SPMAP2: variants seen among roughly 807,000 people sequenced by gnomAD.
SPMAP2 encodes sperm microtubule associated protein 2.
chr19:370,815 G>T, the SPMAP2 span, among the ~76,000 whole-genome samples: 1 of 151,946 alleles, frequency 6.6e-6, no homozygotes, highest in African/African-American at 2.4e-5. Context: ...GCAGAAGCCG[G>T]GTCAAGCCCG....
the SPMAP2 span, chr19:374,187 G>A: frequency 6.5e-7 from 1 of 1,533,784 alleles, no homozygotes; most frequent in Non-Finnish European, 8.9e-7. Context: ...TGCTGGATGT[G>A]GTGGCAGCTG....
the SPMAP2 span, chr19:374,482 C>G: frequency 1.2e-6 from 2 of 1,607,884 alleles, no homozygotes; most frequent in African/African-American, 1.3e-5. Flanking sequence ...GTTTGGGAGC[C>G]CAGAGAAGCG....
the SPMAP2 span, among the ~76,000 whole-genome samples, chr19:373,690 C>A: frequency 6.6e-6 from 1 of 151,442 alleles, no homozygotes; most frequent in Non-Finnish European, 1.5e-5. Flanking sequence ...CGGCGGGACG[C>A]GTGGATTATT....
the SPMAP2 span, among the ~76,000 whole-genome samples, chr19:365,880 T>G: frequency 4.6e-5 from 7 of 152,156 alleles, no homozygotes; most frequent in African/African-American, 1.7e-4. Flanking sequence ...AGCGGTGTCA[T>G]GCCTGTAATC....
the SPMAP2 span, chr19:367,131 C>A: frequency 1.2e-6 from 2 of 1,613,420 alleles, no homozygotes; most frequent in Admixed American, 1.7e-5. Context: ...GGGTCCCACT[C>A]TTCCAAGAGG....
At chr19:371,274 C>T in the SPMAP2 span, 24 of 1,519,672 alleles carry the variant, frequency 1.6e-5, no homozygotes, top group Middle Eastern at 3.5e-4. Context: ...GGCGACTCGA[C>T]GCTCTGTATT....
the SPMAP2 span, among the ~76,000 whole-genome samples, chr19:375,174 C>T: frequency 6.6e-6 from 1 of 152,212 alleles, no homozygotes; most frequent in Non-Finnish European, 1.5e-5. Flanking sequence ...TGCCCAAAAT[C>T]AGCGCCCCCA....
chr19:373,035 G>A, the SPMAP2 span, among the ~76,000 whole-genome samples: 10 of 152,304 alleles, frequency 6.6e-5, no homozygotes, highest in Non-Finnish European at 1.0e-4. Flanking sequence ...TTGTTCTGAA[G>A]TTAGTACAAG....
chr19:372,246 G>A, the SPMAP2 span, among the ~76,000 whole-genome samples: 1 of 152,268 alleles, frequency 6.6e-6, no homozygotes, highest in Non-Finnish European at 1.5e-5. Flanking sequence ...GGGGCTGTAA[G>A]TGGTAAGAAA....
chr19:363,305 G>A, the SPMAP2 span, among the ~76,000 whole-genome samples: 1 of 151,906 alleles, frequency 6.6e-6, no homozygotes, highest in Non-Finnish European at 1.5e-5. Context: ...CAATTCTCCT[G>A]CCTCAGCCTC....
At chr19:373,581 T>C in the SPMAP2 span, 15 of 1,581,930 alleles carry the variant, frequency 9.5e-6, no homozygotes, top group African/African-American at 2.7e-5. Context: ...GCCCTGGCCC[T>C]GCCCGGAAAC....
chr19:367,427 G>T, the SPMAP2 span, among the ~76,000 whole-genome samples: 1 of 152,222 alleles, frequency 6.6e-6, no homozygotes, highest in Non-Finnish European at 1.5e-5. Flanking sequence ...ACCCCAAAAG[G>T]GCTGAGCAAA....
chr19:375,304 T>C, the SPMAP2 span, among the ~76,000 whole-genome samples: 3 of 151,506 alleles, frequency 2.0e-5, no homozygotes, highest in Non-Finnish European at 2.9e-5. Context: ...GCTTTTTTTT[T>C]CCCATTTCTT....
chr19:365,783 C>A, the SPMAP2 span, among the ~76,000 whole-genome samples: 1 of 151,916 alleles, frequency 6.6e-6, no homozygotes. Flanking sequence ...GCACAAACAG[C>A]CACACTCTCG....
the SPMAP2 span, among the ~76,000 whole-genome samples, chr19:366,244 C>T: frequency 9.2e-5 from 14 of 152,192 alleles, no homozygotes; most frequent in Admixed American, 6.5e-4. Flanking sequence ...TGTGCACACA[C>T]GGATATATAT....
the SPMAP2 span, among the ~76,000 whole-genome samples, chr19:362,891 G>A: frequency 6.6e-6 from 1 of 152,016 alleles, no homozygotes; most frequent in Non-Finnish European, 1.5e-5. Context: ...AAGGAACGAG[G>A]CTCTAGCACC....
chr19:375,841 C>G, the SPMAP2 span: 2 of 1,603,880 alleles, frequency 1.2e-6, no homozygotes, highest in Non-Finnish European at 1.7e-6. Flanking sequence ...CGTTCGGGGT[C>G]TGTGACCCGC....
the SPMAP2 span, among the ~76,000 whole-genome samples, chr19:363,338 G>T: frequency 1.3e-5 from 2 of 151,596 alleles, no homozygotes; most frequent in Non-Finnish European, 2.9e-5. Flanking sequence ...GACTACAGAC[G>T]TGCACCACCA....
the SPMAP2 span, chr19:373,899 C>G: frequency 3.8e-6 from 6 of 1,584,870 alleles, no homozygotes; most frequent in Non-Finnish European, 5.2e-6. Flanking sequence ...TGACACGTGT[C>G]CCCCAGCATA....
Sources: allele counts gnomAD v4.1 joint callset (sites outside exome capture counted in the v4.1 genomes callset), GRCh38; gene constraint gnomAD v4.1.1; transcripts MANE v1.5; gene names NCBI Gene and HGNC (gene_info 2026-07-23, HGNC 2026-07-21).